THSD7B: variants seen among roughly 807,000 people sequenced by gnomAD.
The protein encoded by THSD7B is thrombospondin type-1 domain-containing protein 7B.
A neutral mutation model predicts 213.6 loss-of-function variants in THSD7B; 138 were observed. That is an observed-to-expected ratio of 0.65 (90% CI 0.56 to 0.74). The LOEUF (loss-of-function observed/expected upper bound fraction) is 0.74. THSD7B is among the 30% of genes least tolerant of loss of function. THSD7B has a pLI of 0.00. For missense variants in THSD7B, 1,931 were observed against 1,991.5 expected (o/e 0.97, Z 0.58); for synonymous variants, 742 against 687.0 (o/e 1.08, Z -1.25).
chr2:137,581,800 A>G lies in THSD7B; in HGVS notation c.3423+9244A>G, dbSNP rs1194902396. ...AAAAAAAAAAATAATAATAAATAAT[A>G]ATAATAAATGAAATCTGCTGGGCAT... On this transcript the variant is annotated intron_variant, in intron 17 of 27. Transcript: ENST00000409968. Among the ~76,000 whole-genome samples, 5 of 150,238 alleles carry G rather than the reference A, an allele frequency of 3.3e-5. 1 individual carries two copies. Among genetic ancestry groups the G allele is most frequent in the Non-Finnish European group, 1.5e-5 (1 of 67,576 alleles).
chr2:136,770,746 C>T (rs1299056052), intron 1 of THSD7B, among the ~76,000 whole-genome samples: 4 of 152,094 alleles, frequency 2.6e-5, no homozygotes, highest in African/African-American at 9.7e-5. Context: ...CAATCATTGG[C>T]ATTATCAAGT....
intron 12 of THSD7B, among the ~76,000 whole-genome samples, chr2:137,388,132 A>G (rs780558993): frequency 2.0e-5 from 3 of 152,198 alleles, no homozygotes; most frequent in Admixed American, 6.5e-5. Flanking sequence ...GACAGATGAT[A>G]GTAGATGCTT....
intron 1 of THSD7B, among the ~76,000 whole-genome samples, chr2:136,802,213 A>C (rs1682195963): frequency 6.6e-6 from 1 of 152,108 alleles, no homozygotes; most frequent in South Asian, 2.1e-4. Flanking sequence ...CATCAGGAGA[A>C]ATTTTCAAAG....
intron 20 of THSD7B, among the ~76,000 whole-genome samples, chr2:137,628,278 C>A (rs1031239798): frequency 6.6e-6 from 1 of 152,178 alleles, no homozygotes; most frequent in African/African-American, 2.4e-5. Flanking sequence ...TCTCCAAATT[C>A]TACACACTAT....
intron 2 of THSD7B, among the ~76,000 whole-genome samples, chr2:137,026,523 G>A (rs1037420652): frequency 2.0e-5 from 3 of 152,038 alleles, no homozygotes; most frequent in African/African-American, 7.2e-5. Context: ...TGGCTTCTTT[G>A]GCAATAAATT....
Position 137,676,395 on chromosome 2 carries a change from C to T in THSD7B, c.4740-129C>T, listed in dbSNP as rs79074705. 4,574 of 779,472 alleles carry T rather than the reference C, an allele frequency of 5.9e-3. 157 individuals are homozygous for T. In the African/African-American group the frequency reaches 0.074, roughly 13 times the overall value. 48.3% of individuals were successfully genotyped at this position (779,472 alleles called of 1,614,324 possible). A position where few individuals can be genotyped will look rare whatever the true frequency, so the allele number is the denominator to read the frequency against. Reference sequence around the variant, plus strand: ...CATTCAATATTCACAAAAGGGAACCCACACATCTAGAGAAATGAATCTTTT... The same window carrying T: ...CATTCAATATTCACAAAAGGGAACCTACACATCTAGAGAAATGAATCTTTT... On this transcript the variant is annotated intron_variant, in intron 27 of 27. Coordinates refer to ENST00000409968, the MANE Select transcript of THSD7B (RefSeq NM_001316349.2).
intron 17 of THSD7B, among the ~76,000 whole-genome samples, chr2:137,614,910 T>C (rs1319630601): frequency 3.9e-5 from 6 of 152,144 alleles, no homozygotes; most frequent in African/African-American, 1.2e-4. Context: ...TACTACTATA[T>C]CTGAAAGAGG....
At chr2:137,465,293 C>T (rs1013896945) in intron 15 of THSD7B, among the ~76,000 whole-genome samples, 3 of 151,648 alleles carry the variant, frequency 2.0e-5, no homozygotes, top group Non-Finnish European at 4.4e-5. Flanking sequence ...CTAAGACATT[C>T]CAGGACAATT....
intron 1 of THSD7B, among the ~76,000 whole-genome samples, chr2:136,865,939 C>T (rs1683324398): frequency 6.6e-6 from 1 of 152,176 alleles, no homozygotes; most frequent in South Asian, 2.1e-4. Flanking sequence ...GGTTAAGGTG[C>T]AGCTGTGGCC....
At chr2:136,919,528 C>T (rs939518925) in intron 2 of THSD7B, among the ~76,000 whole-genome samples, 1 of 152,212 alleles carries the variant, frequency 6.6e-6, no homozygotes, top group Non-Finnish European at 1.5e-5. Flanking sequence ...CAGCATCTTT[C>T]CCAAAGTACT....
Position 137,656,883 on chromosome 2 carries a change from A to C in THSD7B, c.4193A>C (p.Gln1398Pro). ...AGAAGCTTTGAGACTGTGGGCCGCCAGTCTAGATCAAGGACTTTTATAATT... is the reference window on the plus strand; with the variant it reads ...AGAAGCTTTGAGACTGTGGGCCGCCCGTCTAGATCAAGGACTTTTATAATT... ...DGRSFETVGR[Q>P]SRSRTFIIQS... Residue 1398 changes from glutamine (Q) to proline (P), a missense_variant, in exon 23 of 28, where the codon CAG (glutamine) becomes CCG (proline). Physicochemically the swap from Gln to Pro is moderately conservative, Grantham distance 76. Coordinates refer to ENST00000409968, the MANE Select transcript of THSD7B (RefSeq NM_001316349.2). 6.2e-7 allele frequency: 1 copy of C among 1,614,066 alleles called. No homozygotes were observed. The highest frequency in any genetic ancestry group is 8.5e-7 in the Non-Finnish European group (1 of 1,179,896).
chr2:137,077,141 A>G (rs1687643438), intron 3 of THSD7B, among the ~76,000 whole-genome samples: 1 of 151,790 alleles, frequency 6.6e-6, no homozygotes, highest in South Asian at 2.1e-4. Context: ...CCATGTCCCT[A>G]CAAAGGACAT....
chr2:137,447,440 C>T lies in THSD7B; in HGVS notation c.2960-3405C>T, dbSNP rs554120066. 2.0e-5 allele frequency among the ~76,000 whole-genome samples: 3 copies of T among 152,236 alleles called. No individual in the cohort carries two copies. In the East Asian group the frequency reaches 5.8e-4, roughly 29 times the overall value. On this transcript the variant is annotated intron_variant, in intron 14 of 27. Coordinates refer to ENST00000409968, the MANE Select transcript of THSD7B (RefSeq NM_001316349.2). ...TTAATCCCACCTAATTTCTAGTTTT[C>T]CTCTTTCTATTTGGTAGCAAATGAA...
intron 1 of THSD7B, among the ~76,000 whole-genome samples, chr2:136,774,395 C>T (rs1027282258): frequency 6.6e-6 from 1 of 152,026 alleles, no homozygotes; most frequent in Non-Finnish European, 1.5e-5. Context: ...GCATTCTTCT[C>T]AGTGATCTGA....
At chr2:137,587,372 C>A (rs1403203581) in intron 17 of THSD7B, among the ~76,000 whole-genome samples, 1 of 152,194 alleles carries the variant, frequency 6.6e-6, no homozygotes, top group African/African-American at 2.4e-5. Flanking sequence ...TGTTCCGTTG[C>A]TGGCGAGGGC....
intron 12 of THSD7B, among the ~76,000 whole-genome samples, chr2:137,343,769 G>A (rs1461451505): frequency 3.3e-5 from 5 of 151,802 alleles, no homozygotes; most frequent in African/African-American, 1.2e-4. Context: ...TATGTAGGCT[G>A]AGAACATGCT....
In THSD7B at chr2:137,657,129, G is replaced by A; in HGVS notation, c.4344G>A (p.Trp1448Ter). Residue 1448 changes from tryptophan (W) to a stop codon, truncating the protein, a stop_gained, in exon 24 of 28, where the codon TGG (tryptophan) becomes TGA (stop). Coordinates refer to ENST00000409968, the MANE Select transcript of THSD7B (RefSeq NM_001316349.2). LOFTEE classifies it high-confidence loss of function. ...SLWNNNERTV[W>*]CQRSDGVNVT... ...GGAACAATAACGAACGAACTGTATG[G>A]TGCCAGCGTTCAGATGGCGTTAATG... 1.9e-6 allele frequency: 3 copies of A among 1,614,004 alleles called. No individual in the cohort carries two copies. The highest frequency in any genetic ancestry group is 2.5e-6 in the Non-Finnish European group (3 of 1,179,898).
chr2:137,443,649 G>A (rs1245090104), intron 14 of THSD7B, among the ~76,000 whole-genome samples: 1 of 152,010 alleles, frequency 6.6e-6, no homozygotes, highest in African/African-American at 2.4e-5. Context: ...TCTCAACCAA[G>A]TCTGAGTTTG....
chr2:136,778,996 A>G (rs565994295), intron 1 of THSD7B, among the ~76,000 whole-genome samples: 14 of 152,318 alleles, frequency 9.2e-5, no homozygotes, highest in African/African-American at 3.4e-4. Flanking sequence ...ACACTTTAAA[A>G]TCCAACAAGT....
Sources: allele counts gnomAD v4.1 joint callset (sites outside exome capture counted in the v4.1 genomes callset), GRCh38; gene constraint gnomAD v4.1.1; transcripts MANE v1.5; gene names NCBI Gene and HGNC (gene_info 2026-07-23, HGNC 2026-07-21).